GALNT17: variants seen among roughly 807,000 people sequenced by gnomAD.
GALNT17 encodes UDP-GalNAc:polypeptide N-acetylgalactosaminyltransferase-like 3.
GALNT17 carries 29 observed loss-of-function variants against 63.7 expected under a neutral mutation model. That is an observed-to-expected ratio of 0.46 (90% CI 0.34 to 0.62). The LOEUF (loss-of-function observed/expected upper bound fraction) is 0.62, where lower values mean the gene tolerates loss of function less well. Among genes scored for constraint, GALNT17 ranks in the 20% least tolerant of loss-of-function variants. The pLI, the probability that GALNT17 is intolerant of heterozygous loss-of-function variation, is 0.01. For missense variants in GALNT17, 603 were observed against 799.6 expected (o/e 0.75, Z 2.97); for synonymous variants, 305 against 318.3 (o/e 0.96, Z 0.45).
At position 71,590,487 on chromosome 7, in the gene GALNT17, G is replaced by T. The variant is rs149484320; in HGVS notation, c.1080+19085G>T. 1.4e-3 allele frequency among the ~76,000 whole-genome samples: 209 copies of T among 152,238 alleles called. 1 individual carries two copies. Among genetic ancestry groups the T allele is most frequent in the African/African-American group, 4.8e-3 (201 of 41,556 alleles). On this transcript the variant is annotated intron_variant, in intron 6 of 10. Coordinates refer to ENST00000333538, the MANE Select transcript of GALNT17 (RefSeq NM_022479.3). Reference sequence around the variant, plus strand: ...AGCAATAATTTGATTCTCTATAAATGTGAACCTGAATTTACACCATCCTCT... The same window carrying T: ...AGCAATAATTTGATTCTCTATAAATTTGAACCTGAATTTACACCATCCTCT...
At chr7:71,665,317 GC>G (rs1790967498) in intron 6 of GALNT17, 93 bp from the exon 7 acceptor site, 12 of 1,307,984 alleles carry the variant, frequency 9.2e-6, no homozygotes, top group Middle Eastern at 2.8e-4. Flanking sequence ...TTACGTTTAT[GC>G]AAAGTCAGCT....
chr7:71,231,618 G>A (rs1029252624), intron 1 of GALNT17, among the ~76,000 whole-genome samples: 3 of 151,844 alleles, frequency 2.0e-5, no homozygotes, highest in South Asian at 4.2e-4. Flanking sequence ...TACTGGTGAG[G>A]GCTCTCTTCC....
intron 5 of GALNT17, among the ~76,000 whole-genome samples, chr7:71,518,261 C>T (rs1788474675): frequency 6.6e-6 from 1 of 152,206 alleles, no homozygotes; most frequent in South Asian, 2.1e-4. Context: ...CCTCAGGCAT[C>T]TTCTTTCTTA....
chr7:71,209,945 C>T (rs970279323), intron 1 of GALNT17, among the ~76,000 whole-genome samples: 1 of 151,434 alleles, frequency 6.6e-6, no homozygotes, highest in African/African-American at 2.4e-5. Flanking sequence ...TATTTTGGGA[C>T]AGAGTTTCGC....
chr7:71,557,406 A>T (rs1298623709), intron 5 of GALNT17, among the ~76,000 whole-genome samples: 1 of 152,184 alleles, frequency 6.6e-6, no homozygotes, highest in Admixed American at 6.5e-5. Flanking sequence ...CTGGAAGTTG[A>T]AGAGGGATTA....
chr7:71,334,046 C>T (rs1280048929), intron 1 of GALNT17, among the ~76,000 whole-genome samples: 2 of 151,970 alleles, frequency 1.3e-5, no homozygotes, highest in Admixed American at 6.6e-5. Flanking sequence ...AATTCTCCGC[C>T]GATAGGGTCT....
intron 2 of GALNT17, among the ~76,000 whole-genome samples, chr7:71,361,240 T>TG (rs1192402300): frequency 5.9e-5 from 9 of 152,018 alleles, no homozygotes; most frequent in Non-Finnish European, 7.4e-5. Context: ...AAGAAACACC[T>TG]GGGGGGGTGT....
intron 1 of GALNT17, among the ~76,000 whole-genome samples, chr7:71,239,982 G>A (rs1465035769): frequency 6.6e-6 from 1 of 152,176 alleles, no homozygotes; most frequent in Admixed American, 6.5e-5. Flanking sequence ...GTCACTGGGA[G>A]TTAAAACTCA....
intron 1 of GALNT17, among the ~76,000 whole-genome samples, chr7:71,190,911 G>GC (rs752854986): frequency 4.6e-5 from 7 of 152,136 alleles, no homozygotes; most frequent in Non-Finnish European, 8.8e-5. Flanking sequence ...GATTTTACAG[G>GC]CATGAGCCAC....
rs371071699 is a variant in GALNT17, at chr7:71,547,416, A to C, written c.963-23869A>C. ...TGATCTGCCTGCCTTGGCCTCCCAA[A>C]GTGCTGAGATTATAGGTGTGAGCCA... is the stretch of plus-strand genomic sequence containing the variant. On this transcript the variant is annotated intron_variant, in intron 5 of 10. Coordinates refer to ENST00000333538, the MANE Select transcript of GALNT17 (RefSeq NM_022479.3). Among the ~76,000 whole-genome samples the C allele has an allele frequency of 3.8e-4, 58 of 152,174 alleles. No homozygotes were observed. The South Asian group carries it at 8.5e-3, about 22-fold the overall frequency.
At chr7:71,143,823 T>TGAGCCTGGGAGTTCGAGAC (rs1787963417) in intron 1 of GALNT17, among the ~76,000 whole-genome samples, 1 of 151,878 alleles carries the variant, frequency 6.6e-6, no homozygotes, top group Non-Finnish European at 1.5e-5. Context: ...GAGGATCACT[T>TGAGCCTGGGAGTTCGAGAC]GAGCCTGGGA....
At chr7:71,416,927 G>A (rs1317424841) in intron 4 of GALNT17, among the ~76,000 whole-genome samples, 2 of 152,140 alleles carry the variant, frequency 1.3e-5, no homozygotes, top group African/African-American at 2.4e-5. Flanking sequence ...TTGAGTGTAC[G>A]GGGAGTAGAA....
At chr7:71,598,210 G>A (rs546399811) in intron 6 of GALNT17, among the ~76,000 whole-genome samples, 2 of 152,266 alleles carry the variant, frequency 1.3e-5, no homozygotes, top group South Asian at 2.1e-4. Flanking sequence ...CCAAAGTTCT[G>A]GGATTACAGG....
intron 5 of GALNT17, among the ~76,000 whole-genome samples, chr7:71,553,748 C>T (rs1434692387): frequency 6.6e-6 from 1 of 152,204 alleles, no homozygotes; most frequent in Non-Finnish European, 1.5e-5. Context: ...GAAAACTAAT[C>T]TTTTTGTTTC....
intron 5 of GALNT17, among the ~76,000 whole-genome samples, chr7:71,547,053 G>A (rs1458542781): frequency 1.3e-5 from 2 of 151,856 alleles, no homozygotes; most frequent in South Asian, 2.1e-4. Context: ...GTGCAGTGGT[G>A]TGATCCTGGC....
At chr7:71,267,154 A>G (rs1157267320) in intron 1 of GALNT17, among the ~76,000 whole-genome samples, 2 of 152,236 alleles carry the variant, frequency 1.3e-5, no homozygotes, top group African/African-American at 4.8e-5. Context: ...TCCGTTTGCT[A>G]GGCTGCAAGT....
chr7:71,588,257 G>A (rs1417332303), intron 6 of GALNT17, among the ~76,000 whole-genome samples: 1 of 152,104 alleles, frequency 6.6e-6, no homozygotes. Flanking sequence ...TTCACTGAAA[G>A]TCTTGGTTCT....
chr7:71,192,809 G>A (rs182338162), intron 1 of GALNT17, among the ~76,000 whole-genome samples: 236 of 152,342 alleles, frequency 1.5e-3, no homozygotes, highest in Admixed American at 4.2e-3. Context: ...AACATTTGGT[G>A]TTGTCAGTCT....
chr7:71,265,266 A>G (rs1251557917), intron 1 of GALNT17, among the ~76,000 whole-genome samples: 1 of 150,106 alleles, frequency 6.7e-6, no homozygotes, highest in African/African-American at 2.4e-5. Flanking sequence ...AACTGGGATT[A>G]TAGGCGCATG....
Sources: allele counts gnomAD v4.1 joint callset (sites outside exome capture counted in the v4.1 genomes callset), GRCh38; gene constraint gnomAD v4.1.1; transcripts MANE v1.5; gene names NCBI Gene and HGNC (gene_info 2026-07-23, HGNC 2026-07-21).